Variants in FHIT observed in about 807,000 individuals in gnomAD.
FHIT encodes the protein bis(5'-adenosyl)-triphosphatase.
FHIT carries 19 observed loss-of-function variants against 17.9 expected under a neutral mutation model. The observed-to-expected ratio is 1.06, with a 90% confidence interval of 0.74 to 1.56. The LOEUF (loss-of-function observed/expected upper bound fraction) is 1.56. Among genes scored for constraint, FHIT ranks in the 40% most tolerant of loss-of-function variants. FHIT has a pLI of 0.00. For synonymous variants in FHIT, 81 were observed against 69.7 expected (o/e 1.16, Z -0.81); for missense variants, 248 against 189.2 (o/e 1.31, Z -1.82).
chr3:60,328,417 C>A (rs376204086), intron 5 of FHIT, among the ~76,000 whole-genome samples: 1 of 152,056 alleles, frequency 6.6e-6, no homozygotes, highest in Non-Finnish European at 1.5e-5. Flanking sequence ...TGGAGGAAGG[C>A]GAAGGAAGAG....
At position 60,129,288 on chromosome 3, in the gene FHIT, T is replaced by A. The variant is rs187207040; in HGVS notation, c.104-115136A>T. On this transcript the variant is annotated intron_variant, in intron 5 of 9. Coordinates refer to ENST00000492590, the MANE Select transcript of FHIT (RefSeq NM_002012.4). ...GGATGGTCTTTATCTCCTGAACTCA[T>A]GATCCGACCTCTCAAAGTGCTGGGA... Among the ~76,000 whole-genome samples, 333 of 152,156 alleles carry A rather than the reference T, an allele frequency of 2.2e-3. 2 individuals carry two copies. Among genetic ancestry groups the A allele is most frequent in the African/African-American group, 7.8e-3 (322 of 41,520 alleles).
intron 1 of FHIT, among the ~76,000 whole-genome samples, chr3:61,209,561 T>G (rs957372543): frequency 1.3e-5 from 2 of 150,064 alleles, no homozygotes; most frequent in East Asian, 2.3e-4. Context: ...CTTCATTTCA[T>G]TCGTCTTCCA....
intron 5 of FHIT, among the ~76,000 whole-genome samples, chr3:60,379,702 G>T (rs909370865): frequency 5.9e-5 from 9 of 152,050 alleles, no homozygotes; most frequent in Admixed American, 2.0e-4. Context: ...CCTATTTATT[G>T]TCACAATAAA....
chr3:60,984,989 A>G (rs974354348), intron 3 of FHIT, among the ~76,000 whole-genome samples: 1 of 152,228 alleles, frequency 6.6e-6, no homozygotes, highest in Non-Finnish European at 1.5e-5. Flanking sequence ...ATTAGTACTA[A>G]GGGGGCCTGA....
chr3:60,871,660 G>GTC, intron 3 of FHIT, among the ~76,000 whole-genome samples: 2 of 152,122 alleles, frequency 1.3e-5, no homozygotes, highest in East Asian at 3.9e-4. Flanking sequence ...CTGAAATGGA[G>GTC]TCTTGCTCTG....
At chr3:59,916,956 A>T (rs1705162713) in intron 8 of FHIT, among the ~76,000 whole-genome samples, 1 of 152,218 alleles carries the variant, frequency 6.6e-6, no homozygotes, top group African/African-American at 2.4e-5. Flanking sequence ...AACCCAGAAG[A>T]CAAAAAGCTA....
chr3:59,767,360 G>T (rs1701852765), intron 8 of FHIT, among the ~76,000 whole-genome samples: 1 of 152,110 alleles, frequency 6.6e-6, no homozygotes, highest in African/African-American at 2.4e-5. Context: ...TTAGCCAGGT[G>T]GGGTGGTGGA....
intron 5 of FHIT, among the ~76,000 whole-genome samples, chr3:60,048,511 C>A (rs145470720): frequency 6.6e-6 from 1 of 152,126 alleles, no homozygotes; most frequent in Non-Finnish European, 1.5e-5. Context: ...GCTACAAATG[C>A]GGTCACATTC....
chr3:60,565,692 T>C (rs1386575511), intron 4 of FHIT, among the ~76,000 whole-genome samples: 1 of 152,244 alleles, frequency 6.6e-6, no homozygotes. Context: ...TGAAAACTGC[T>C]AGACTTTTCA....
At chr3:60,590,284 G>T (rs1553663719) in intron 4 of FHIT, among the ~76,000 whole-genome samples, 1 of 151,966 alleles carries the variant, frequency 6.6e-6, no homozygotes. Flanking sequence ...AGACTCAGTG[G>T]TCTGCTTCAT....
chr3:60,195,269 A>G (rs1425058348), intron 5 of FHIT, among the ~76,000 whole-genome samples: 1 of 152,106 alleles, frequency 6.6e-6, no homozygotes, highest in Non-Finnish European at 1.5e-5. Flanking sequence ...AGATGTTGAC[A>G]TGGATGTGGT....
chr3:60,441,757 A>ATATATATATACACACACATATAAAAATAT, intron 5 of FHIT, among the ~76,000 whole-genome samples: 1 of 55,946 alleles, frequency 1.8e-5, no homozygotes, highest in East Asian at 1.3e-3. Context: ...TATATATAAA[A>ATATATATATACACACACATATAAAAATAT]ATATATATAT....
chr3:61,041,683 C>CA (rs368794932), intron 3 of FHIT, among the ~76,000 whole-genome samples: 2,336 of 133,224 alleles, frequency 0.018, 33 homozygotes, highest in South Asian at 0.045. Flanking sequence ...AAAAATAAAG[C>CA]AAAAAAAAAA....
intron 4 of FHIT, among the ~76,000 whole-genome samples, chr3:60,558,748 G>C (rs2036829945): frequency 6.6e-6 from 1 of 152,116 alleles, no homozygotes. Context: ...AATTAACTAT[G>C]ACATGTTCTC....
intron 4 of FHIT, among the ~76,000 whole-genome samples, chr3:60,739,612 A>T (rs115471163): frequency 3.3e-5 from 5 of 152,156 alleles, no homozygotes; most frequent in Admixed American, 3.3e-4. Context: ...CAGGATGTTC[A>T]TCCCTGGCCT....
At chr3:59,978,229 C>G (rs1395979326) in intron 7 of FHIT, among the ~76,000 whole-genome samples, 2 of 152,046 alleles carry the variant, frequency 1.3e-5, no homozygotes, top group African/African-American at 2.4e-5. Context: ...AATTCCAAAG[C>G]CTGTATGTTT....
intron 5 of FHIT, among the ~76,000 whole-genome samples, chr3:60,089,238 G>A (rs375590406): frequency 2.0e-5 from 3 of 152,108 alleles, no homozygotes; most frequent in Non-Finnish European, 4.4e-5. Context: ...ATTAATATTT[G>A]TTGACTTCAT....
At chr3:60,516,026 G>A (rs547336602) in intron 5 of FHIT, among the ~76,000 whole-genome samples, 5 of 152,126 alleles carry the variant, frequency 3.3e-5, no homozygotes, top group Non-Finnish European at 7.3e-5. Flanking sequence ...TGGGGAAGGC[G>A]GGGAAGGCAG....
chr3:59,852,158 G>A (rs951232485), intron 8 of FHIT, among the ~76,000 whole-genome samples: 2 of 152,126 alleles, frequency 1.3e-5, no homozygotes, highest in African/African-American at 4.8e-5. Flanking sequence ...CATCTCCTTA[G>A]GTAAACTAGC....
Sources: gnomAD v4.1 joint callset for allele counts (sites outside exome capture counted in the v4.1 genomes callset) on GRCh38, gnomAD v4.1.1 for gene constraint, MANE v1.5 for transcripts, NCBI Gene and HGNC (gene_info 2026-07-23, HGNC 2026-07-21) for gene names.